Variants in ESYT2 observed in about 807,000 individuals in gnomAD.
ESYT2 encodes the protein extended synaptotagmin-2.
ESYT2 carries 54 observed loss-of-function variants against 107.2 expected under a neutral mutation model. The ratio of observed to expected loss-of-function variants is 0.50; its 90% CI spans 0.40 to 0.63. ESYT2 has a LOEUF of 0.63. Ranked by LOEUF, ESYT2 falls within the 30% of genes least tolerant of loss-of-function variation. The pLI, the probability that ESYT2 is intolerant of heterozygous loss-of-function variation, is 0.00. For missense variants in ESYT2, 1,020 were observed against 1,094.5 expected, an observed-to-expected ratio of 0.93 and a Z score of 0.96; for synonymous variants, 491 against 434.1, an observed-to-expected ratio of 1.13 and a Z score of -1.63.
In ESYT2 at chr7:158,752,689, G is replaced by A. The variant is rs570536119; in HGVS notation, c.1482+92C>T. 43 of 757,576 alleles carry A rather than the reference G, an allele frequency of 5.7e-5. No individual in the cohort carries two copies. In the Middle Eastern group the frequency reaches 8.6e-4, roughly 15 times the overall value. The allele number at this position is 757,576 out of a possible 1,614,324, so 46.9% of individuals were successfully genotyped here. A position where few individuals can be genotyped will look rare whatever the true frequency, so the allele number is the denominator to read the frequency against. ...GACAATTAATTACTACATAAATATGGGAGGTAATTTGCCAATAAACTTATG... is the reference window on the plus strand; with the variant it reads ...GACAATTAATTACTACATAAATATGAGAGGTAATTTGCCAATAAACTTATG... On this transcript the variant is annotated intron_variant, in intron 14 of 22. Transcript: ENST00000275418.
chr7:158,735,791 T>C lies in ESYT2; in HGVS notation c.2400-183A>G, dbSNP rs529881338. Among the ~76,000 whole-genome samples the C allele has an allele frequency of 8.5e-5, 13 of 152,330 alleles. No homozygotes were observed. In the South Asian group the frequency reaches 2.5e-3, roughly 29 times the overall value. On this transcript the variant is annotated intron_variant, in intron 20 of 22. Transcript: ENST00000275418. ...AGGAAGACTCAAAAACCAACATTTT[T>C]TTCATTTCCCACACATAAAAGAAGG... is the stretch of plus-strand genomic sequence containing the variant.
chr7:158,808,967 T>C (rs963925506), intron 1 of ESYT2, among the ~76,000 whole-genome samples: 2 of 151,562 alleles, frequency 1.3e-5, no homozygotes, highest in African/African-American at 4.9e-5. Context: ...CAGAGTGAGA[T>C]TCTATCTCAG....
chr7:158,735,960 C>G (rs1216069327), intron 20 of ESYT2, among the ~76,000 whole-genome samples: 1 of 152,178 alleles, frequency 6.6e-6, no homozygotes, highest in Non-Finnish European at 1.5e-5. Context: ...GAGCAGCCCA[C>G]TCACTCAGGC....
intron 1 of ESYT2, among the ~76,000 whole-genome samples, chr7:158,810,929 A>G (rs551566196): frequency 1.3e-5 from 2 of 152,014 alleles, no homozygotes; most frequent in African/African-American, 4.8e-5. Context: ...ATATACTGAA[A>G]AACAGTTAAT....
chr7:158,804,403 G>A (rs181051248), intron 1 of ESYT2, among the ~76,000 whole-genome samples: 9 of 148,814 alleles, frequency 6.0e-5, no homozygotes, highest in African/African-American at 1.8e-4. Context: ...AACCCAAACT[G>A]TTGAGAAAAG....
chr7:158,785,508 G>A (rs1248361270), intron 6 of ESYT2, among the ~76,000 whole-genome samples: 1 of 152,050 alleles, frequency 6.6e-6, no homozygotes, highest in Non-Finnish European at 1.5e-5. Flanking sequence ...CTACATGTAG[G>A]AGAAATATTT....
At chr7:158,809,313 T>C (rs1036446213) in intron 1 of ESYT2, among the ~76,000 whole-genome samples, 1 of 151,278 alleles carries the variant, frequency 6.6e-6, no homozygotes, top group African/African-American at 2.4e-5. Flanking sequence ...CCATCTCTAC[T>C]AAAAATACAA....
intron 6 of ESYT2, among the ~76,000 whole-genome samples, chr7:158,777,904 G>A (rs996429553): frequency 6.6e-6 from 1 of 152,280 alleles, no homozygotes; most frequent in African/African-American, 2.4e-5. Context: ...ATGACACAGA[G>A]CCATGAAGTG....
At chr7:158,783,762 T>C (rs1839010635) in intron 6 of ESYT2, among the ~76,000 whole-genome samples, 1 of 152,214 alleles carries the variant, frequency 6.6e-6, no homozygotes, top group African/African-American at 2.4e-5. Flanking sequence ...GCACATCACG[T>C]GGTGGCACCT....
At chr7:158,779,736 C>A (rs1838706183) in intron 6 of ESYT2, among the ~76,000 whole-genome samples, 1 of 152,228 alleles carries the variant, frequency 6.6e-6, no homozygotes, top group Non-Finnish European at 1.5e-5. Flanking sequence ...TGCTCACTGA[C>A]TTCTCACTTG....
In ESYT2 at chr7:158,785,459, AAATAAATAAATAAATC is replaced by A. The variant is rs970439036; in HGVS notation, c.747+2529_747+2544del. 4.7e-3 allele frequency among the ~76,000 whole-genome samples: 720 copies of A among 151,746 alleles called. 2 individuals carry two copies. Among genetic ancestry groups the A allele is most frequent in the African/African-American group, 0.016 (662 of 41,346 alleles). ...TAAATAAATAAATAAATAAATAAATAAATAAATAAATAAATCACCTCCAGTGTCAGGACTAAACCTA... is the reference window on the plus strand; with the variant it reads ...TAAATAAATAAATAAATAAATAAATAACCTCCAGTGTCAGGACTAAACCTA... On this transcript the variant is annotated intron_variant, in intron 6 of 22. Transcript: ENST00000275418.
At chr7:158,790,168 G>C (rs1416019287) in intron 4 of ESYT2, among the ~76,000 whole-genome samples, 1 of 152,110 alleles carries the variant, frequency 6.6e-6, no homozygotes, top group Non-Finnish European at 1.5e-5. Context: ...ATTTTAAAGA[G>C]GCAGATTTTT....
rs1195244339 is a variant in ESYT2 at position 158,801,661 on chromosome 7, CTCTT to C, written c.331-2593_331-2590del. ...TCTTTCAACTTAAAGACTCAAATCT[CTCTT>C]AAGTTCTAATTATAAAACAAATTTC... On this transcript the variant is annotated intron_variant, in intron 1 of 22. Coordinates refer to ENST00000275418, the MANE Select transcript of ESYT2 (RefSeq NM_001367773.1). Among the ~76,000 whole-genome samples the C allele has an allele frequency of 2.0e-5, 3 of 151,456 alleles. 1 individual carries two copies. The highest frequency in any genetic ancestry group is 4.4e-5 in the Non-Finnish European group (3 of 67,878).
chr7:158,735,634 T>C, intron 20 of ESYT2, 26 bp from the exon 21 acceptor site: 1 of 1,579,138 alleles, frequency 6.3e-7, no homozygotes, highest in Non-Finnish European at 8.7e-7. Context: ...AGAGCCTTAC[T>C]TTATCCATCA....
chr7:158,777,355 T>C (rs1838605076), intron 6 of ESYT2, among the ~76,000 whole-genome samples: 1 of 152,154 alleles, frequency 6.6e-6, no homozygotes. Context: ...ACCTGGCCAT[T>C]TGATATGGTT....
In ESYT2 at chr7:158,735,539, G is replaced by A. The variant is rs769310176; in HGVS notation, c.2469C>T (p.Gly823=). The A allele has an allele frequency of 1.5e-5, 24 of 1,613,950 alleles. No individual in the cohort carries two copies. The African/African-American group carries it at 1.7e-4, about 12-fold the overall frequency. ...RTLDVAVKNS[G]GFLSKDKGLL... ...GCCCTTTGTCTTTGGACAGGAAGCC[G>A]CCACTGTTCTTCACGGCAACGTCGA... Residue 823 remains glycine, a synonymous_variant, in exon 21 of 23, where the codon GGC becomes GGT. Coordinates refer to ENST00000275418, the MANE Select transcript of ESYT2 (RefSeq NM_001367773.1).
chr7:158,790,505 C>A (rs1224793010), intron 4 of ESYT2, among the ~76,000 whole-genome samples: 2 of 152,194 alleles, frequency 1.3e-5, no homozygotes, highest in Non-Finnish European at 2.9e-5. Flanking sequence ...TGCCCTCCAG[C>A]CCGGGTGACA....
In ESYT2 at chr7:158,795,044, C is replaced by T. The variant is rs192645659; in HGVS notation, c.508-1318G>A. Among the ~76,000 whole-genome samples, 3 of 152,270 alleles carry T rather than the reference C, an allele frequency of 2.0e-5. No homozygotes were observed. In the East Asian group the frequency reaches 5.8e-4, roughly 29 times the overall value. On this transcript the variant is annotated intron_variant, in intron 3 of 22. Coordinates refer to ENST00000275418, the MANE Select transcript of ESYT2 (RefSeq NM_001367773.1). ...CATGATGTGCATCAGATAACATACT[C>T]CCCAAATGACGTGGAGATGAGGGGA...
chr7:158,763,952 C>T (rs1456664028), intron 9 of ESYT2, among the ~76,000 whole-genome samples: 1 of 152,100 alleles, frequency 6.6e-6, no homozygotes, highest in African/African-American at 2.4e-5. Flanking sequence ...AGGAGTCGTA[C>T]GGTGAAGTAT....
Sources: allele counts gnomAD v4.1 joint callset (sites outside exome capture counted in the v4.1 genomes callset), GRCh38; gene constraint gnomAD v4.1.1; transcripts MANE v1.5; gene names NCBI Gene and HGNC (gene_info 2026-07-23, HGNC 2026-07-21).